Variants in RMI1 observed in about 807,000 individuals in gnomAD.
RMI1 encodes the protein recQ-mediated genome instability protein 1.
Under a neutral mutation model 46.7 loss-of-function variants are expected in RMI1, and 36 were observed. That is an observed-to-expected ratio of 0.77 (90% CI 0.59 to 1.02). RMI1 has a LOEUF of 1.02. Ranked by LOEUF, RMI1 falls within the 50% of genes least tolerant of loss-of-function variation. The probability of loss-of-function intolerance (pLI) is 0.00; values close to 1 mark genes in which losing one functional copy is unlikely to be tolerated. For synonymous variants in RMI1, 250 were observed against 252.9 expected, an observed-to-expected ratio of 0.99 and a Z score of 0.11; for missense variants, 676 against 713.7, an observed-to-expected ratio of 0.95 and a Z score of 0.60.
Position 84,001,755 on chromosome 9 carries a change from C to CG in RMI1, c.769_770insG (p.Leu257ArgfsTer5). ...GGCAAGTCTTGATGAAAATGATGAG[C>CG]TTACAGCAAATAATGACACTTCCTC... On this transcript the variant is annotated frameshift_variant, in exon 3 of 3. Transcript: ENST00000445877. LOFTEE classifies it high-confidence loss of function. 1 of 1,613,982 alleles carries CG rather than the reference C, an allele frequency of 6.2e-7. No individual in the cohort carries two copies. Among genetic ancestry groups the CG allele is most frequent in the Non-Finnish European group, 8.5e-7 (1 of 1,179,952 alleles).
At chr9:83,997,108 C>CTT (rs35796088) in intron 1 of RMI1, among the ~76,000 whole-genome samples, 1,409 of 60,324 alleles carry the variant, frequency 0.023, 18 homozygotes, top group African/African-American at 0.046. Context: ...ACACCCCCCC[C>CTT]TTTTTTTTTT....
chr9:84,001,028 T>TAAA lies in RMI1; in HGVS notation c.42_43insAAA (p.Leu14_Leu15insLys), dbSNP rs1957728626. Reference sequence around the variant, plus strand: ...TTGCATTAAGAGCTGAAACTTGGCTTTTAGCTGCATGGCATGTTAAAGTAC... The same window carrying TAAA: ...TTGCATTAAGAGCTGAAACTTGGCTTAAATTAGCTGCATGGCATGTTAAAGTAC... On this transcript the variant is annotated inframe_insertion, in exon 3 of 3. Transcript: ENST00000445877. 1 of 1,613,046 alleles carries TAAA rather than the reference T, an allele frequency of 6.2e-7. No homozygotes were observed. Among genetic ancestry groups the TAAA allele is most frequent in the Non-Finnish European group, 8.5e-7 (1 of 1,179,582 alleles).
intron 1 of RMI1, among the ~76,000 whole-genome samples, chr9:83,990,295 C>T (rs531677689): frequency 9.2e-5 from 14 of 152,146 alleles, no homozygotes; most frequent in African/African-American, 2.7e-4. Context: ...GGGCGGATCA[C>T]GAGGTCAGGA....
At chr9:83,998,983 A>G (rs1308538759) in intron 1 of RMI1, among the ~76,000 whole-genome samples, 3 of 152,106 alleles carry the variant, frequency 2.0e-5, no homozygotes, top group African/African-American at 7.2e-5. Context: ...TCTACTAAAA[A>G]TACAAAAAGT....
intron 1 of RMI1, among the ~76,000 whole-genome samples, chr9:83,992,701 A>T (rs1957592123): frequency 6.6e-6 from 1 of 152,206 alleles, no homozygotes; most frequent in African/African-American, 2.4e-5. Context: ...GCAAATAAGG[A>T]ATCTGTGAAT....
intron 1 of RMI1, among the ~76,000 whole-genome samples, chr9:83,981,196 G>T (rs1419344024): frequency 6.6e-6 from 1 of 152,258 alleles, no homozygotes; most frequent in Non-Finnish European, 1.5e-5. Context: ...ACTTCTCGCC[G>T]AGAGGGCACA....
At chr9:83,996,205 T>C (rs1957650717) in intron 1 of RMI1, among the ~76,000 whole-genome samples, 1 of 152,220 alleles carries the variant, frequency 6.6e-6, no homozygotes, top group Non-Finnish European at 1.5e-5. Flanking sequence ...GGAATTTGGG[T>C]TTTTACTTAG....
At chr9:83,985,524 T>C (rs1225088827) in intron 1 of RMI1, among the ~76,000 whole-genome samples, 1 of 152,242 alleles carries the variant, frequency 6.6e-6, no homozygotes, top group Admixed American at 6.5e-5. Context: ...ATTTTTTTCT[T>C]TGCCCAGTTA....
rs1423322044 is a variant in RMI1 at position 84,002,404 on chromosome 9, CATCAGAGAATAGCATT to C, written c.1420_1435del (p.Ser474IlefsTer19). 1.2e-5 allele frequency: 20 copies of C among 1,612,994 alleles called. No homozygotes were observed. Among genetic ancestry groups the C allele is most frequent in the Non-Finnish European group, 1.7e-5 (20 of 1,179,288 alleles). On this transcript the variant is annotated frameshift_variant, in exon 3 of 3. Coordinates refer to ENST00000445877, the MANE Select transcript of RMI1 (RefSeq NM_001358291.2). LOFTEE classifies it high-confidence loss of function. ...AATTTACAGAGTTGTTCTTTAAGAT[CATCAGAGAATAGCATT>C]AATCTTTCTATTGCCATGGATTTGT...
Position 84,001,017 on chromosome 9 carries a change from G to T in RMI1, c.31G>T (p.Glu11Ter). The change falls in exon 3 of 3, where the codon GAA (glutamate) becomes TAA (stop). Residue 11 changes from glutamate (E) to a stop codon, truncating the protein, a stop_gained. Coordinates refer to ENST00000445877, the MANE Select transcript of RMI1 (RefSeq NM_001358291.2). LOFTEE classifies it high-confidence loss of function. MNVTSIALRA[E>*]TWLLAAWHVK... Reference sequence around the variant, plus strand: ...TGTGACTAGTATTGCATTAAGAGCTGAAACTTGGCTTTTAGCTGCATGGCA... The same window carrying T: ...TGTGACTAGTATTGCATTAAGAGCTTAAACTTGGCTTTTAGCTGCATGGCA... 1 of 1,612,146 alleles carries T rather than the reference G, an allele frequency of 6.2e-7. No homozygotes were observed. Among genetic ancestry groups the T allele is most frequent in the Admixed American group, 1.7e-5 (1 of 59,660 alleles).
At chr9:83,991,144 G>T (rs1957568090) in intron 1 of RMI1, among the ~76,000 whole-genome samples, 1 of 152,054 alleles carries the variant, frequency 6.6e-6, no homozygotes, top group South Asian at 2.1e-4. Context: ...AAATTCTTTG[G>T]ATATTCAGGA....
At chr9:83,986,883 CTT>C (rs1957498395) in intron 1 of RMI1, among the ~76,000 whole-genome samples, 1 of 152,202 alleles carries the variant, frequency 6.6e-6, no homozygotes. Context: ...TGAAAGTACA[CTT>C]TGTCCTCATT....
chr9:84,003,623 A>G lies in RMI1; in HGVS notation c.*759A>G, dbSNP rs1360316800. 6.0e-6 allele frequency: 1 copy of G among 166,336 alleles called. No individual in the cohort carries two copies. The allele number at this position is 166,336 out of a possible 1,614,324, so 10.3% of individuals were successfully genotyped here. A position where few individuals can be genotyped will look rare whatever the true frequency, so the allele number is the denominator to read the frequency against. On this transcript the variant is annotated 3_prime_UTR_variant, in exon 3 of 3. Coordinates refer to ENST00000445877, the MANE Select transcript of RMI1 (RefSeq NM_001358291.2). ...TTAAAATCCAGTAGATCAGAACATC[A>G]GGCTTTCAGATACAAATTGATTTAC...
chr9:84,001,883 A>G lies in RMI1; in HGVS notation c.897A>G (p.Pro299=), dbSNP rs143673151. The change falls in exon 3 of 3, where the codon CCA becomes CCG. Residue 299 remains proline, a synonymous_variant. Transcript: ENST00000445877. ...FVISPRPKEE[P]SNLSIHVMDG... ...TTTCTCCAAGACCAAAAGAGGAACC[A>G]TCAAACCTATCTATACATGTAATGG... 14 of 1,613,958 alleles carry G rather than the reference A, an allele frequency of 8.7e-6. No individual in the cohort carries two copies. In the South Asian group the frequency reaches 1.4e-4, roughly 16 times the overall value.
chr9:83,998,012 G>A (rs1357711206), intron 1 of RMI1, among the ~76,000 whole-genome samples: 2 of 151,956 alleles, frequency 1.3e-5, no homozygotes, highest in Non-Finnish European at 2.9e-5. Context: ...GCCCAGGCTG[G>A]TCTTGAACTC....
rs1957760683 is a variant in RMI1 at position 84,002,870 on chromosome 9, CTA to C, written c.*7_*8del. On this transcript the variant is annotated 3_prime_UTR_variant, in exon 3 of 3. Transcript: ENST00000445877. ...AGAAGCGGTTAAATAAATAATTAAA[CTA>C]AAATAGTATTAGGAACAATTAAAAA... is the stretch of plus-strand genomic sequence containing the variant. 4.2e-6 allele frequency: 6 copies of C among 1,414,660 alleles called. No homozygotes were observed. The highest frequency in any genetic ancestry group is 5.8e-6 in the Non-Finnish European group (6 of 1,040,922). 87.6% of individuals were successfully genotyped at this position (1,414,660 alleles called of 1,614,324 possible). A position where few individuals can be genotyped will look rare whatever the true frequency, so the allele number is the denominator to read the frequency against.
chr9:84,001,911 G>A lies in RMI1; in HGVS notation c.925G>A (p.Gly309Arg). Residue 309 changes from glycine to arginine, a missense_variant, in exon 3 of 3, where the codon GGA becomes AGA. Coordinates refer to ENST00000445877, the MANE Select transcript of RMI1 (RefSeq NM_001358291.2). ...PSNLSIHVMDGELDDFSLEEA... is the reference protein window; with the variant it reads ...PSNLSIHVMDRELDDFSLEEA... ...AAACCTATCTATACATGTAATGGAT[G>A]GAGAATTAGATGACTTTTCACTGGA... 6.2e-7 allele frequency: 1 copy of A among 1,613,934 alleles called. No individual in the cohort carries two copies. The highest frequency in any genetic ancestry group is 8.5e-7 in the Non-Finnish European group (1 of 1,179,872).
At chr9:83,990,166 G>A (rs1957548152) in intron 1 of RMI1, among the ~76,000 whole-genome samples, 1 of 152,108 alleles carries the variant, frequency 6.6e-6, no homozygotes, top group Non-Finnish European at 1.5e-5. Flanking sequence ...GGTTACCAGA[G>A]GCTGGGAAGG....
At chr9:83,992,504 A>G (rs1957589460) in intron 1 of RMI1, among the ~76,000 whole-genome samples, 1 of 151,560 alleles carries the variant, frequency 6.6e-6, no homozygotes, top group Non-Finnish European at 1.5e-5. Flanking sequence ...CACTAAGTAG[A>G]GCACTAAAAG....
Sources: allele counts gnomAD v4.1 joint callset (sites outside exome capture counted in the v4.1 genomes callset), GRCh38; gene constraint gnomAD v4.1.1; transcripts MANE v1.5; gene names NCBI Gene and HGNC (gene_info 2026-07-23, HGNC 2026-07-21).